Variants in TENM4 observed in about 807,000 individuals in gnomAD.
TENM4 encodes the protein teneurin-4.
Under a neutral mutation model 243.3 loss-of-function variants are expected in TENM4, and 82 were observed. That is an observed-to-expected ratio of 0.34 (90% CI 0.28 to 0.40). The LOEUF (loss-of-function observed/expected upper bound fraction) is 0.40. Among genes scored for constraint, TENM4 ranks in the 10% least tolerant of loss-of-function variants. The probability of loss-of-function intolerance (pLI) is 1.00; values close to 1 mark genes in which losing one functional copy is unlikely to be tolerated. For missense variants in TENM4, 3,138 were observed against 3,673.3 expected (o/e 0.85, Z 3.77); for synonymous variants, 1,412 against 1,456.3 (o/e 0.97, Z 0.69).
chr11:78,792,440 T>C (rs912571362), intron 15 of TENM4, among the ~76,000 whole-genome samples: 2 of 152,190 alleles, frequency 1.3e-5, no homozygotes, highest in Non-Finnish European at 2.9e-5. Context: ...GAGTTCTTGA[T>C]TGAACTGTAC....
chr11:79,167,215 C>T (rs958865984), intron 3 of TENM4, among the ~76,000 whole-genome samples: 3 of 152,186 alleles, frequency 2.0e-5, no homozygotes, highest in African/African-American at 7.2e-5. Flanking sequence ...GTGGCTGCCA[C>T]ACCTCCAAGC....
intron 2 of TENM4, among the ~76,000 whole-genome samples, chr11:79,252,602 T>C (rs1398411692): frequency 9.9e-5 from 15 of 152,162 alleles, no homozygotes; most frequent in Admixed American, 9.8e-4. Flanking sequence ...CTGTGAACTA[T>C]CTATAGTGGA....
intron 6 of TENM4, among the ~76,000 whole-genome samples, chr11:78,955,066 G>A (rs1438617739): frequency 2.0e-5 from 3 of 152,220 alleles, no homozygotes; most frequent in Non-Finnish European, 4.4e-5. Context: ...TCACATGATA[G>A]CAGCGGGCCT....
intron 1 of TENM4, among the ~76,000 whole-genome samples, chr11:79,341,321 C>G (rs1266423105): frequency 6.6e-6 from 1 of 152,204 alleles, no homozygotes; most frequent in African/African-American, 2.4e-5. Context: ...GGATCCCTTG[C>G]AACTCCATGC....
At chr11:79,007,224 T>C (rs1448398918) in intron 6 of TENM4, among the ~76,000 whole-genome samples, 1 of 152,192 alleles carries the variant, frequency 6.6e-6, no homozygotes, top group African/African-American at 2.4e-5. Flanking sequence ...AAATGCTATT[T>C]GAATGGTTTT....
chr11:79,306,678 A>G (rs1482579482), intron 1 of TENM4, among the ~76,000 whole-genome samples: 1 of 152,204 alleles, frequency 6.6e-6, no homozygotes, highest in African/African-American at 2.4e-5. Flanking sequence ...CTACATGCAC[A>G]CATTTAGTCT....
intron 1 of TENM4, among the ~76,000 whole-genome samples, chr11:79,389,235 A>C (rs1190380122): frequency 6.6e-6 from 1 of 152,180 alleles, no homozygotes; most frequent in East Asian, 1.9e-4. Context: ...GGCTCACTGC[A>C]GCCTTGACTT....
In TENM4 at chr11:78,854,512, G is replaced by A. The variant is rs977058088; in HGVS notation, c.1471-198C>T. ...CATTTTTTCATGGTGATATTCTCCC[G>A]GTTCTCCTGTGAGTGAGGCATAATT... On this transcript the variant is annotated intron_variant, in intron 11 of 33. Transcript: ENST00000278550. Among the ~76,000 whole-genome samples the A allele has an allele frequency of 4.6e-5, 7 of 152,190 alleles. No individual in the cohort carries two copies. In the South Asian group the frequency reaches 1.0e-3, roughly 23 times the overall value.
intron 14 of TENM4, among the ~76,000 whole-genome samples, chr11:78,805,702 T>C (rs1004958440): frequency 6.6e-6 from 1 of 152,142 alleles, no homozygotes; most frequent in Non-Finnish European, 1.5e-5. Flanking sequence ...ACCACTTCGT[T>C]TGTGGGGCAA....
In TENM4 at chr11:79,336,828, C is replaced by T. The variant is rs11237793; in HGVS notation, c.-320-39285G>A. Among the ~76,000 whole-genome samples, 645 of 152,274 alleles carry T rather than the reference C, an allele frequency of 4.2e-3. 4 individuals are homozygous for T. Among genetic ancestry groups the T allele is most frequent in the African/African-American group, 0.014 (585 of 41,548 alleles). On this transcript the variant is annotated intron_variant, in intron 1 of 33. Coordinates refer to ENST00000278550, the MANE Select transcript of TENM4 (RefSeq NM_001098816.3). ...GTCTGTCACTCCTGCTGGTCAGTGG[C>T]CCAGGAGGCCCCCAGTTGCTGGGAT...
Position 79,438,450 on chromosome 11 carries a change from G to A in TENM4, c.-321+2059C>T, listed in dbSNP as rs1222373947. On this transcript the variant is annotated intron_variant, in intron 1 of 33. Coordinates refer to ENST00000278550, the MANE Select transcript of TENM4 (RefSeq NM_001098816.3). The surrounding 1 kb of genome is among the most constrained non-coding windows in gnomAD (Gnocchi z 4.1). ...CCAGCCCCATCCCGTCCCCATCAGCGCCGGGCTAGCGCAGGAAACCAGGAA... is the reference window on the plus strand; with the variant it reads ...CCAGCCCCATCCCGTCCCCATCAGCACCGGGCTAGCGCAGGAAACCAGGAA... Among the ~76,000 whole-genome samples the A allele has an allele frequency of 6.6e-6, 1 of 152,110 alleles. No homozygotes were observed. Among genetic ancestry groups the A allele is most frequent in the Non-Finnish European group, 1.5e-5 (1 of 68,018 alleles).
intron 2 of TENM4, among the ~76,000 whole-genome samples, chr11:79,252,480 G>A (rs1489842338): frequency 5.3e-5 from 8 of 152,024 alleles, no homozygotes; most frequent in Admixed American, 6.5e-5. Flanking sequence ...CTCGTGATCC[G>A]CCCGCCTCGG....
chr11:79,225,495 C>CA (rs1864245842), intron 2 of TENM4, among the ~76,000 whole-genome samples: 1 of 152,180 alleles, frequency 6.6e-6, no homozygotes, highest in Non-Finnish European at 1.5e-5. Flanking sequence ...TCACTGCATG[C>CA]AGCCTCTGCC....
intron 12 of TENM4, among the ~76,000 whole-genome samples, chr11:78,849,382 A>G (rs1858478736): frequency 6.6e-6 from 1 of 152,226 alleles, no homozygotes; most frequent in South Asian, 2.1e-4. Context: ...ATTTAATAGT[A>G]ACCGTGACAA....
At chr11:79,147,434 C>T (rs1862414630) in intron 4 of TENM4, among the ~76,000 whole-genome samples, 1 of 151,970 alleles carries the variant, frequency 6.6e-6, no homozygotes, top group African/African-American at 2.4e-5. Flanking sequence ...CTGTATATTT[C>T]CATAGCAACC....
chr11:79,036,293 T>A (rs1365170627), intron 6 of TENM4, among the ~76,000 whole-genome samples: 1 of 152,110 alleles, frequency 6.6e-6, no homozygotes, highest in East Asian at 1.9e-4. Flanking sequence ...CCACGATGAG[T>A]GTTGTTCCTG....
intron 6 of TENM4, among the ~76,000 whole-genome samples, chr11:78,986,027 A>G (rs1239269490): frequency 6.6e-6 from 1 of 152,208 alleles, no homozygotes; most frequent in Non-Finnish European, 1.5e-5. Flanking sequence ...GATGAAGCAC[A>G]ATGTCTTTAG....
rs554580653 is a variant in TENM4 at position 78,932,114 on chromosome 11, T to C, written c.494-28591A>G. ...TAAACACTTGATAAATGTTAGCCAT[T>C]GTTGTCATTACTGTGAAGTAACTAG... On this transcript the variant is annotated intron_variant, in intron 6 of 33. Coordinates refer to ENST00000278550, the MANE Select transcript of TENM4 (RefSeq NM_001098816.3). Among the ~76,000 whole-genome samples the C allele has an allele frequency of 3.1e-4, 47 of 152,304 alleles. No individual in the cohort carries two copies. The South Asian group carries it at 9.7e-3, about 32-fold the overall frequency.
At position 79,069,827 on chromosome 11, in the gene TENM4, T is replaced by G. The variant is rs1213448713; in HGVS notation, c.118A>C (p.Ser40Arg). ...EEGKAPQKSY[S>R]SSETLKAYDQ... ...TAGGCCTTCAGGGTCTCGCTGGAGC[T>G]GTACGATTTCTGCGGGGCTTTGCCC... is the stretch of plus-strand genomic sequence containing the variant. The change falls in exon 5 of 34, where the codon AGC becomes CGC. Residue 40 changes from serine (S) to arginine (R), a missense_variant. Physicochemically the swap from Ser to Arg is moderately radical, Grantham distance 110. This residue lies in a region of TENM4 where 671 missense variants were observed against 614.1 expected (regional missense o/e 1.09). Transcript: ENST00000278550. 1 of 1,550,918 alleles carries G rather than the reference T, an allele frequency of 6.4e-7. No homozygotes were observed. The highest frequency in any genetic ancestry group is 8.7e-7 in the Non-Finnish European group (1 of 1,146,900).
Sources: allele counts gnomAD v4.1 joint callset (sites outside exome capture counted in the v4.1 genomes callset), GRCh38; gene constraint gnomAD v4.1.1; regional missense constraint gnomAD v4.1.1; non-coding constraint Gnocchi (gnomAD v3.1); transcripts MANE v1.5; gene names NCBI Gene and HGNC (gene_info 2026-07-23, HGNC 2026-07-21).